Variants in RIMS1 observed in about 807,000 individuals in gnomAD.
RIMS1 encodes the protein regulating synaptic membrane exocytosis protein 1.
A neutral mutation model predicts 214.1 loss-of-function variants in RIMS1; 83 were observed. That is an observed-to-expected ratio of 0.39 (90% CI 0.32 to 0.47). The LOEUF (loss-of-function observed/expected upper bound fraction) is 0.47. Ranked by LOEUF, RIMS1 falls within the 20% of genes least tolerant of loss-of-function variation. The pLI, the probability that RIMS1 is intolerant of heterozygous loss-of-function variation, is 0.99. For missense variants in RIMS1, 2,050 were observed against 2,161.8 expected, an observed-to-expected ratio of 0.95 and a Z score of 1.03; for synonymous variants, 793 against 786.8, an observed-to-expected ratio of 1.01 and a Z score of -0.13.
chr6:72,316,906 G>A (rs2095833799), intron 28 of RIMS1: 1 of 801,596 alleles, frequency 1.2e-6, no homozygotes, highest in African/African-American at 1.7e-5. Context: ...CCACTGGACA[G>A]CCACCCAAGA....
At chr6:71,938,274 A>T (rs1785031485) in intron 1 of RIMS1, among the ~76,000 whole-genome samples, 1 of 152,002 alleles carries the variant, frequency 6.6e-6, no homozygotes. Flanking sequence ...CTGGTGGTGG[A>T]TGTACTGTTC....
At chr6:72,394,151 G>A (rs764914147) in intron 31 of RIMS1, among the ~76,000 whole-genome samples, 4 of 152,164 alleles carry the variant, frequency 2.6e-5, no homozygotes, top group Admixed American at 6.5e-5. Flanking sequence ...TCAAAGCAGC[G>A]TTCAAATTGG....
intron 1 of RIMS1, among the ~76,000 whole-genome samples, chr6:71,892,789 T>A (rs1158120051): frequency 3.3e-5 from 5 of 152,164 alleles, no homozygotes; most frequent in Non-Finnish European, 7.3e-5. Flanking sequence ...TGGGGTAGAA[T>A]AAAGGCGAAT....
At chr6:72,196,349 C>CTCTGTCTGTCTG (rs752491713) in intron 6 of RIMS1, among the ~76,000 whole-genome samples, 99 of 134,406 alleles carry the variant, frequency 7.4e-4, no homozygotes, top group Middle Eastern at 3.9e-3. Context: ...TGGCTATTTC[C>CTCTGTCTGTCTG]TCTGTCTGTC....
chr6:72,089,867 G>T (rs13362591), intron 2 of RIMS1, among the ~76,000 whole-genome samples: 1 of 147,718 alleles, frequency 6.8e-6, no homozygotes, highest in Non-Finnish European at 1.5e-5. Flanking sequence ...CATGTCTTTT[G>T]TAGGGACATG....
At chr6:72,304,360 G>C (rs567889938) in intron 26 of RIMS1, among the ~76,000 whole-genome samples, 1 of 151,616 alleles carries the variant, frequency 6.6e-6, no homozygotes, top group East Asian at 1.9e-4. Context: ...GAAGATATTT[G>C]AGCTGTCTGA....
At chr6:72,071,359 G>GCTC (rs1406617489) in intron 2 of RIMS1, among the ~76,000 whole-genome samples, 1 of 152,012 alleles carries the variant, frequency 6.6e-6, no homozygotes, top group Admixed American at 6.6e-5. Context: ...CTGATTACAG[G>GCTC]CACCACTACA....
intron 9 of RIMS1, among the ~76,000 whole-genome samples, chr6:72,238,183 A>G (rs2154100645): frequency 6.6e-6 from 1 of 152,204 alleles, no homozygotes; most frequent in Non-Finnish European, 1.5e-5. Context: ...ATAAAAATAA[A>G]TAGATGTAAA....
chr6:72,196,252 A>G (rs1588936219), intron 6 of RIMS1, among the ~76,000 whole-genome samples: 1 of 152,100 alleles, frequency 6.6e-6, no homozygotes, highest in African/African-American at 2.4e-5. Context: ...GTAATAATTT[A>G]TTTAATAAAT....
intron 2 of RIMS1, among the ~76,000 whole-genome samples, chr6:71,975,298 G>T (rs75810563): frequency 0.069 from 10,486 of 152,132 alleles, 450 homozygotes; most frequent in Middle Eastern, 0.11. Context: ...GGAACTTTCC[G>T]TATTTTAGCA....
intron 6 of RIMS1, among the ~76,000 whole-genome samples, chr6:72,207,442 A>G (rs186894905): frequency 1.3e-4 from 20 of 152,246 alleles, no homozygotes; most frequent in African/African-American, 4.8e-4. Context: ...TTTGCCTAAC[A>G]TTTCTACTTA....
intron 29 of RIMS1, among the ~76,000 whole-genome samples, chr6:72,334,624 G>A (rs911258879): frequency 6.6e-6 from 1 of 151,860 alleles, no homozygotes; most frequent in Non-Finnish European, 1.5e-5. Context: ...TAAATAGCCA[G>A]CAACTGTTTT....
intron 6 of RIMS1, among the ~76,000 whole-genome samples, chr6:72,218,370 G>C (rs1222082812): frequency 6.6e-6 from 1 of 152,164 alleles, no homozygotes; most frequent in Non-Finnish European, 1.5e-5. Context: ...CAGCTGAAGA[G>C]AGCTCCTGCC....
At chr6:72,060,041 C>T (rs1408863500) in intron 2 of RIMS1, among the ~76,000 whole-genome samples, 2 of 151,956 alleles carry the variant, frequency 1.3e-5, no homozygotes, top group African/African-American at 4.8e-5. Flanking sequence ...TGGGTTCAAG[C>T]GATTCTCCTG....
At chr6:72,074,368 A>G (rs1300638532) in intron 2 of RIMS1, among the ~76,000 whole-genome samples, 1 of 152,208 alleles carries the variant, frequency 6.6e-6, no homozygotes, top group Non-Finnish European at 1.5e-5. Flanking sequence ...TGACTTATTG[A>G]AAATCATATT....
intron 2 of RIMS1, among the ~76,000 whole-genome samples, chr6:72,066,260 C>A (rs552526095): frequency 2.0e-5 from 3 of 152,150 alleles, no homozygotes; most frequent in South Asian, 4.1e-4. Flanking sequence ...CAGTTTTCTT[C>A]GTTGCTTTCC....
At chr6:72,080,074 TAAAA>T (rs770845471) in intron 2 of RIMS1, among the ~76,000 whole-genome samples, 1 of 22,398 alleles carries the variant, frequency 4.5e-5, no homozygotes, top group Non-Finnish European at 8.6e-5. Flanking sequence ...GTGTCTCTAC[TAAAA>T]AAAAAAAAAA....
intron 2 of RIMS1, among the ~76,000 whole-genome samples, chr6:72,021,370 C>T (rs774409139): frequency 6.6e-6 from 1 of 152,142 alleles, no homozygotes. Flanking sequence ...TGTTGATGAA[C>T]AGTATTTGCC....
At chr6:72,254,537 A>T (rs2154143999) in intron 16 of RIMS1, among the ~76,000 whole-genome samples, 1 of 152,320 alleles carries the variant, frequency 6.6e-6, no homozygotes, top group Middle Eastern at 3.4e-3. Flanking sequence ...AGTCAGCCTT[A>T]ATGTTGTCAT....
Sources: allele counts gnomAD v4.1 joint callset (sites outside exome capture counted in the v4.1 genomes callset), GRCh38; gene constraint gnomAD v4.1.1; transcripts MANE v1.5; gene names NCBI Gene and HGNC (gene_info 2026-07-23, HGNC 2026-07-21).